OR2T27: variants seen among roughly 807,000 people sequenced by gnomAD.
OR2T27 encodes the protein olfactory receptor 2T27.
For missense variants in OR2T27, 152 were observed against 397.2 expected, an observed-to-expected ratio of 0.38 and a Z score of 5.25; for synonymous variants, 51 against 152.9, an observed-to-expected ratio of 0.33 and a Z score of 4.92.
At chr1:248,651,338 G>A (rs1295287425) in intron 1 of OR2T27, 1 of 59,572 alleles carries the variant, frequency 1.7e-5, no homozygotes, top group African/African-American at 3.0e-5. Context: ...GTATATATTT[G>A]CCTATGGAAG....
chr1:248,655,419 A>T (rs1402877392), intron 1 of OR2T27, 25 bp downstream of exon 1: 1 of 93,132 alleles, frequency 1.1e-5, no homozygotes, highest in Non-Finnish European at 2.5e-5. Context: ...CCTGCGATTG[A>T]TCAGCATCAA....
At position 248,649,911 on chromosome 1, in the gene OR2T27, T is replaced by TA. The variant is rs762174621; in HGVS notation, c.*19dup. 2.1e-6 allele frequency: 3 copies of TA among 1,462,552 alleles called. No individual in the cohort carries two copies. In the Admixed American group the frequency reaches 5.1e-5, roughly 25 times the overall value. The allele number at this position is 1,462,552 out of a possible 1,614,324, so 90.6% of individuals were successfully genotyped here. On this transcript the variant is annotated 3_prime_UTR_variant, in exon 2 of 2. Transcript: ENST00000460972. Reference sequence around the variant, plus strand: ...TCTTGTATCCTTCATTTCAAGTCTCTAGCAGCATATGAAATTTCTTTAGAA... The same window carrying TA: ...TCTTGTATCCTTCATTTCAAGTCTCTAAGCAGCATATGAAATTTCTTTAGAA...
At position 248,650,810 on chromosome 1, in the gene OR2T27, C is replaced by A. The variant is rs747074062; in HGVS notation, c.75G>T (p.Trp25Cys). Residue 25 changes from tryptophan to cysteine, a missense_variant, in exon 2 of 2, where the codon TGG becomes TGT. Physicochemically the swap from Trp to Cys is radical, Grantham distance 215. Transcript: ENST00000460972. ...LGLFSNARFP[W>C]LLFALILLVF... ...CCAGGAGAATGAGGGCAAAGAGAAG[C>A]CAGGGGAAACGGGCGTTGCTGAACA... The A allele has an allele frequency of 6.2e-7, 1 of 1,610,630 alleles. No homozygotes were observed. The highest frequency in any genetic ancestry group is 8.5e-7 in the Non-Finnish European group (1 of 1,177,936).
At chr1:248,653,806 A>G (rs569578204) in intron 1 of OR2T27, among the ~76,000 whole-genome samples, 1 of 26,804 alleles carries the variant, frequency 3.7e-5, no homozygotes, top group Admixed American at 8.4e-4. Context: ...ATTAGTCTAT[A>G]GATTTTTATT....
intron 1 of OR2T27, among the ~76,000 whole-genome samples, chr1:248,652,852 CTT>C (rs1432222299): frequency 6.6e-5 from 10 of 150,684 alleles, no homozygotes; most frequent in African/African-American, 1.9e-4. Context: ...TATAATGTAT[CTT>C]TATTATTTTA....
Position 248,650,049 on chromosome 1 carries a change from G to C in OR2T27, c.836C>G (p.Thr279Ser), listed in dbSNP as rs144194611. ...EQDKAVSAFY[T>S]ILTPMLNPLI... ...TGGATTGAGCATGGGAGTAAGGATG[G>C]TGTAGAAGGCAGATACAGCTTTGTC... Residue 279 changes from threonine to serine, a missense_variant, in exon 2 of 2, where the codon ACC becomes AGC. Transcript: ENST00000460972. 5.8e-3 allele frequency: 9,147 copies of C among 1,565,826 alleles called. 858 individuals carry two copies. In the African/African-American group the frequency reaches 0.13, roughly 22 times the overall value.
intron 1 of OR2T27, among the ~76,000 whole-genome samples, 164 bp downstream of exon 1, chr1:248,655,280 A>G (rs1661093315): frequency 7.7e-6 from 1 of 130,008 alleles, no homozygotes; most frequent in Admixed American, 8.0e-5. Context: ...GAATTATCTA[A>G]GATTTATATA....
rs752414927 is a variant in OR2T27 at position 248,650,199 on chromosome 1, C to T, written c.686G>A (p.Ser229Asn). 14 of 1,534,540 alleles carry T rather than the reference C, an allele frequency of 9.1e-6. 1 individual carries two copies. Among genetic ancestry groups the T allele is most frequent in the South Asian group, 4.6e-5 (4 of 86,270 alleles). The stretch of plus-strand genomic sequence containing the variant: ...AGCCTTTCCCCTCCCCTCTGCCTCG[C>T]TCATCCTATAAACAGTAATGAGAAT... ...TRILITVYRM[S>N]EAEGRGKAVA... The change falls in exon 2 of 2, where the codon AGC becomes AAC. Residue 229 changes from serine (S) to asparagine (N), a missense_variant. Ser to Asn is a conservative substitution (Grantham distance 46). Coordinates refer to ENST00000460972, the MANE Select transcript of OR2T27 (RefSeq NM_001001824.2).
chr1:248,655,215 C>T (rs1661091393), intron 1 of OR2T27, among the ~76,000 whole-genome samples: 1 of 40,678 alleles, frequency 2.5e-5, no homozygotes, highest in African/African-American at 3.2e-5. Flanking sequence ...AAGTAATCTG[C>T]TACATTCTGA....
chr1:248,653,828 TTC>T (rs964159343), intron 1 of OR2T27, among the ~76,000 whole-genome samples: 13 of 114,082 alleles, frequency 1.1e-4, no homozygotes, highest in African/African-American at 3.5e-4. Flanking sequence ...TTTATTAATA[TTC>T]TTTTGTTCTA....
Position 248,650,516 on chromosome 1 carries a change from G to A in OR2T27, c.369C>T (p.Tyr123=), listed in dbSNP as rs571728403. 32 of 1,358,702 alleles carry A rather than the reference G, an allele frequency of 2.4e-5. No homozygotes were observed. Among genetic ancestry groups the A allele is most frequent in the Middle Eastern group, 1.9e-4 (1 of 5,260 alleles). The allele number at this position is 1,358,702 out of a possible 1,614,324, so 84.2% of individuals were successfully genotyped here. A position where few individuals can be genotyped will look rare whatever the true frequency, so the allele number is the denominator to read the frequency against. ...FLLGLMSYDR[Y]VAICNPLHYP... ...AGTGCAGAGGGTTGCAGATGGCTAC[G>A]TAGCGATCATAGGACATGAGTCCTA... The change falls in exon 2 of 2, where the codon TAC becomes TAT. Residue 123 remains tyrosine, a synonymous_variant. Coordinates refer to ENST00000460972, the MANE Select transcript of OR2T27 (RefSeq NM_001001824.2).
chr1:248,652,850 ATCTT>A (rs1039935820), intron 1 of OR2T27, among the ~76,000 whole-genome samples: 2 of 150,874 alleles, frequency 1.3e-5, no homozygotes, highest in African/African-American at 2.4e-5. Context: ...TTTATAATGT[ATCTT>A]TATTATTTTA....
intron 1 of OR2T27, among the ~76,000 whole-genome samples, chr1:248,652,714 T>C (rs1364100321): frequency 1.4e-5 from 1 of 70,946 alleles, no homozygotes; most frequent in African/African-American, 3.4e-5. Context: ...CATGCCACAG[T>C]GGATGGATGG....
intron 1 of OR2T27, among the ~76,000 whole-genome samples, chr1:248,652,906 G>T (rs962678083): frequency 2.0e-5 from 3 of 147,686 alleles, no homozygotes; most frequent in African/African-American, 7.4e-5. Context: ...CAAACATTTA[G>T]TAGCAATTCG....
chr1:248,652,498 C>T (rs28493294), intron 1 of OR2T27, among the ~76,000 whole-genome samples: 106,672 of 138,436 alleles, frequency 0.77, 43,276 homozygotes, highest in Non-Finnish European at 0.91. Flanking sequence ...GAATGTAAGA[C>T]ATCATCTGTC....
chr1:248,655,228 TACAGA>T (rs1439223417), intron 1 of OR2T27, among the ~76,000 whole-genome samples: 1 of 42,486 alleles, frequency 2.4e-5, no homozygotes, highest in Non-Finnish European at 1.6e-4. Flanking sequence ...CATTCTGATG[TACAGA>T]AAAGATAAGA....
chr1:248,653,637 A>G (rs141769144), intron 1 of OR2T27, among the ~76,000 whole-genome samples: 7,763 of 57,934 alleles, frequency 0.13, 1,210 homozygotes, highest in African/African-American at 0.24. Context: ...GCTTAACAGT[A>G]AGAGAACACA....
At chr1:248,653,814 AT>A (rs536243270) in intron 1 of OR2T27, among the ~76,000 whole-genome samples, 1 of 19,974 alleles carries the variant, frequency 5.0e-5, no homozygotes, top group Admixed American at 1.6e-3. Context: ...ATAGATTTTT[AT>A]TTTTTATTAA....
intron 1 of OR2T27, among the ~76,000 whole-genome samples, chr1:248,652,477 AG>A (rs1661041881): frequency 7.6e-6 from 1 of 130,868 alleles, no homozygotes. Flanking sequence ...ATATTCTGAA[AG>A]GCCCTGAAAG....
Sources: gnomAD v4.1 joint callset for allele counts (sites outside exome capture counted in the v4.1 genomes callset) on GRCh38, gnomAD v4.1.1 for gene constraint, MANE v1.5 for transcripts, NCBI Gene and HGNC (gene_info 2026-07-23, HGNC 2026-07-21) for gene names.